Variants in SNX29 observed in about 807,000 individuals in gnomAD.
SNX29 encodes sorting nexin-29.
In SNX29, 78 loss-of-function variants were observed where a neutral mutation model predicts 102.1. That is an observed-to-expected ratio of 0.76 (90% confidence interval 0.64 to 0.92). The LOEUF (loss-of-function observed/expected upper bound fraction) is 0.92, where lower values mean the gene tolerates loss of function less well. Among genes scored for constraint, SNX29 ranks in the 40% least tolerant of loss-of-function variants. SNX29 has a pLI of 0.00. For synonymous variants in SNX29, 580 were observed against 414.5 expected, an observed-to-expected ratio of 1.40 and a Z score of -4.85; for missense variants, 1,280 against 1,061.7, an observed-to-expected ratio of 1.21 and a Z score of -2.86.
chr16:12,370,492 G>T (rs2082643384), intron 16 of SNX29, among the ~76,000 whole-genome samples: 1 of 152,186 alleles, frequency 6.6e-6, no homozygotes, highest in Non-Finnish European at 1.5e-5. Flanking sequence ...CCTGGGAGGT[G>T]GAGGTTGCAG....
intron 19 of SNX29, among the ~76,000 whole-genome samples, chr16:12,516,179 C>G (rs879662418): frequency 1.3e-5 from 2 of 152,130 alleles, no homozygotes; most frequent in African/African-American, 2.4e-5. Context: ...GTGAGCCAGT[C>G]TCATCAGAAT....
intron 13 of SNX29, among the ~76,000 whole-genome samples, chr16:12,159,189 G>A (rs2055678803): frequency 6.6e-6 from 1 of 152,230 alleles, no homozygotes; most frequent in Non-Finnish European, 1.5e-5. Context: ...CCCTGCAGAT[G>A]TATGACGATA....
chr16:12,562,270 G>T (rs1303659635), intron 20 of SNX29, among the ~76,000 whole-genome samples: 1 of 152,116 alleles, frequency 6.6e-6, no homozygotes, highest in Non-Finnish European at 1.5e-5. Context: ...GCATCCCCAT[G>T]GGCCACGCTC....
intron 16 of SNX29, among the ~76,000 whole-genome samples, chr16:12,392,074 G>A (rs982285877): frequency 1.2e-4 from 18 of 152,302 alleles, no homozygotes; most frequent in East Asian, 7.7e-4. Flanking sequence ...ATATAGACAC[G>A]TGTGTCTCCC....
chr16:12,373,875 C>T (rs565448809), intron 16 of SNX29: 1 of 152,354 alleles, frequency 6.6e-6, no homozygotes, highest in East Asian at 1.9e-4. Flanking sequence ...ATTTTACTTG[C>T]TGTCAAATAT....
At chr16:12,393,889 G>A (rs1399228402) in intron 16 of SNX29, among the ~76,000 whole-genome samples, 1 of 152,248 alleles carries the variant, frequency 6.6e-6, no homozygotes, top group African/African-American at 2.4e-5. Context: ...TGGTTGTCAT[G>A]AGGTAGGCAA....
chr16:12,537,829 A>T (rs868395645), intron 20 of SNX29, among the ~76,000 whole-genome samples: 55 of 152,190 alleles, frequency 3.6e-4, no homozygotes, highest in Middle Eastern at 3.4e-3. Context: ...AGCATATAAG[A>T]AGTTGTCTGG....
intron 15 of SNX29, among the ~76,000 whole-genome samples, chr16:12,287,146 C>G (rs1473245753): frequency 1.3e-5 from 2 of 152,186 alleles, no homozygotes; most frequent in Non-Finnish European, 2.9e-5. Flanking sequence ...TTGCTTGGCT[C>G]TCTGCCTTGA....
rs56935387 is a variant in SNX29 at position 12,077,427 on chromosome 16, G to GTA, written c.1320-1404_1320-1403dup. ...TGTGTGTGTGTGTGTGTGTGTGTGT[G>GTA]TATCTCTGTTAACCATGTGATGACC... On this transcript the variant is annotated intron_variant, in intron 10 of 20. Transcript: ENST00000566228. Among the ~76,000 whole-genome samples, 357 of 145,698 alleles carry GTA rather than the reference G, an allele frequency of 2.5e-3. 1 individual carries two copies. Among genetic ancestry groups the GTA allele is most frequent in the Middle Eastern group, 3.5e-3 (1 of 282 alleles).
chr16:12,186,373 G>C (rs545791973), intron 13 of SNX29, among the ~76,000 whole-genome samples: 3 of 152,082 alleles, frequency 2.0e-5, no homozygotes, highest in Admixed American at 6.5e-5. Context: ...CTATATCTCT[G>C]TGTATCCATA....
At chr16:12,355,700 C>A (rs540446151) in intron 15 of SNX29, among the ~76,000 whole-genome samples, 5 of 152,164 alleles carry the variant, frequency 3.3e-5, no homozygotes, top group African/African-American at 1.2e-4. Context: ...TCGAATAATT[C>A]AATTTGGAAA....
At chr16:12,345,110 G>C (rs1194944664) in intron 15 of SNX29, among the ~76,000 whole-genome samples, 1 of 152,226 alleles carries the variant, frequency 6.6e-6, no homozygotes, top group African/African-American at 2.4e-5. Context: ...GGTGTTGTCA[G>C]TGGCTTTGGC....
In SNX29 at chr16:12,572,100, C is replaced by G. The variant is rs371002229; in HGVS notation, c.*3471C>G. 5.7e-6 allele frequency: 6 copies of G among 1,059,114 alleles called. No homozygotes were observed. The highest frequency in any genetic ancestry group is 6.9e-6 in the Non-Finnish European group (6 of 874,202). The allele number at this position is 1,059,114 out of a possible 1,614,324, so 65.6% of individuals were successfully genotyped here. On this transcript the variant is annotated 3_prime_UTR_variant, in exon 21 of 21. Coordinates refer to ENST00000566228, the MANE Select transcript of SNX29 (RefSeq NM_032167.5). ...GGAAGAGGAAGGGGAGGGATGTGGA[C>G]TGGGTCTGATCACAGCCCTTGGCCC... is the stretch of plus-strand genomic sequence containing the variant.
intron 20 of SNX29, among the ~76,000 whole-genome samples, chr16:12,552,828 C>G (rs565041266): frequency 6.6e-6 from 1 of 152,202 alleles, no homozygotes; most frequent in Non-Finnish European, 1.5e-5. Context: ...AGTGTGACAC[C>G]TGACCTGCCA....
chr16:12,041,142 T>C (rs948820220), intron 4 of SNX29, among the ~76,000 whole-genome samples: 4 of 152,114 alleles, frequency 2.6e-5, no homozygotes, highest in African/African-American at 9.7e-5. Flanking sequence ...GATAGAGTTT[T>C]GCTCTGTCGC....
At position 12,030,836 on chromosome 16, in the gene SNX29, C is replaced by G. The variant is rs187730246; in HGVS notation, c.247+3392C>G. 3.2e-3 allele frequency among the ~76,000 whole-genome samples: 486 copies of G among 152,260 alleles called. 7 individuals are homozygous for G. Among genetic ancestry groups the G allele is most frequent in the Non-Finnish European group, 3.2e-3 (221 of 68,018 alleles). ...CTACCTCTTATGCCGTGCTGTATGC[C>G]AGGGCTGACAGGCAGCGGCAGGTCT... On this transcript the variant is annotated intron_variant, in intron 4 of 20. Coordinates refer to ENST00000566228, the MANE Select transcript of SNX29 (RefSeq NM_032167.5).
chr16:12,488,705 C>T (rs759830972), intron 19 of SNX29, among the ~76,000 whole-genome samples: 16 of 152,142 alleles, frequency 1.1e-4, no homozygotes, highest in Non-Finnish European at 1.6e-4. Context: ...TCCCATGTGG[C>T]GCCATCTCAC....
At chr16:12,277,084 G>A (rs1026772772) in intron 14 of SNX29, among the ~76,000 whole-genome samples, 3 of 152,078 alleles carry the variant, frequency 2.0e-5, no homozygotes, top group Non-Finnish European at 1.5e-5. Context: ...AAGGAACTTG[G>A]CAAATATAAA....
At chr16:12,019,488 A>G (rs1328783746) in intron 3 of SNX29, among the ~76,000 whole-genome samples, 1 of 151,936 alleles carries the variant, frequency 6.6e-6, no homozygotes, top group African/African-American at 2.4e-5. Context: ...TACAAGAGTG[A>G]GCCACCGCGC....
Sources: gnomAD v4.1 joint callset for allele counts (sites outside exome capture counted in the v4.1 genomes callset) on GRCh38, gnomAD v4.1.1 for gene constraint, MANE v1.5 for transcripts, NCBI Gene and HGNC (gene_info 2026-07-23, HGNC 2026-07-21) for gene names.